C4orf50: variants seen among roughly 807,000 people sequenced by gnomAD.
The protein encoded by C4orf50 is uncharacterized protein C4orf50.
C4orf50 carries 80 observed loss-of-function variants against 77.2 expected under a neutral mutation model. That is an observed-to-expected ratio of 1.04 (90% confidence interval 0.87 to 1.25). The LOEUF is 1.25. Ranked by LOEUF, C4orf50 falls within the 50% of genes most tolerant of loss-of-function variation. C4orf50 has a pLI of 0.00. For synonymous variants in C4orf50, 532 were observed against 465.3 expected (o/e 1.14, Z -1.84); for missense variants, 1,257 against 1,152.9 (o/e 1.09, Z -1.31).
At chr4:5,964,665 G>A (rs1031619106) in intron 33 of C4orf50, among the ~76,000 whole-genome samples, 1 of 151,460 alleles carries the variant, frequency 6.6e-6, no homozygotes, top group African/African-American at 2.4e-5. Context: ...ATACTTGGGA[G>A]GCTGAGGCAG....
exon 28 of C4orf50, chr4:5,989,538 T>C: frequency 6.5e-7 from 1 of 1,536,054 alleles, no homozygotes; most frequent in Non-Finnish European, 8.7e-7. Context: ...TCCAGTTCTC[T>C]CCCCTACATG....
At chr4:5,977,306 T>A (rs939522912) in intron 29 of C4orf50, among the ~76,000 whole-genome samples, 4 of 152,270 alleles carry the variant, frequency 2.6e-5, no homozygotes, top group African/African-American at 9.6e-5. Flanking sequence ...TGCAGTCAGT[T>A]AAAAAAATCA....
chr4:5,951,880 G>C (rs557691661), intron 7 of C4orf50, among the ~76,000 whole-genome samples: 5 of 152,100 alleles, frequency 3.3e-5, no homozygotes, highest in Admixed American at 6.5e-5. Flanking sequence ...TAATGTGCAG[G>C]GGGAGCTGGG....
At chr4:5,906,046 C>G (rs575952974) in intron 7 of C4orf50, among the ~76,000 whole-genome samples, 8 of 152,080 alleles carry the variant, frequency 5.3e-5, no homozygotes, top group Non-Finnish European at 7.3e-5. Context: ...AGTGGAGGCG[C>G]GGACAGCAAG....
chr4:5,990,198 G>A (rs1426995796), exon 28 of C4orf50: 2 of 1,245,010 alleles, frequency 1.6e-6, no homozygotes, highest in African/African-American at 1.5e-5. Flanking sequence ...AGGACCCAGG[G>A]CGGCAGGTGG....
At chr4:5,940,775 G>A (rs548518570) in intron 7 of C4orf50, among the ~76,000 whole-genome samples, 1 of 152,276 alleles carries the variant, frequency 6.6e-6, no homozygotes, top group South Asian at 2.1e-4. Context: ...TTGAGCCTGG[G>A]CCTCAGGAGA....
intron 7 of C4orf50, chr4:5,904,345 C>A (rs1444997307): frequency 1.3e-5 from 2 of 152,292 alleles, no homozygotes; most frequent in East Asian, 3.8e-4. Context: ...GCAAAAGGAG[C>A]TGAAATGAGG....
rs7692520 is a variant in C4orf50 at position 6,015,361 on chromosome 4, A to G, written c.287+2784T>C. Among the ~76,000 whole-genome samples the G allele has an allele frequency of 0.49, 74,377 of 151,940 alleles. 18,615 individuals carry two copies. The highest frequency in any genetic ancestry group is 0.53 in the Non-Finnish European group (36,339 of 67,958). On this transcript the variant is annotated intron_variant, in intron 23 of 33. Transcript: ENST00000531445. This position sits in a 1 kb window ranked among gnomAD's most constrained non-coding sequence, Gnocchi z 4.4. ...GATGACCATGTGACGACACAGGGAG[A>G]AGGTGGAGTCCACAAGCCAAGGAGT...
chr4:5,981,392 AAGTG>A (rs997021415), intron 28 of C4orf50, among the ~76,000 whole-genome samples: 5 of 149,154 alleles, frequency 3.4e-5, no homozygotes, highest in Non-Finnish European at 5.9e-5. Context: ...CAGGTGAACA[AAGTG>A]AGTATCTTTT....
At chr4:5,907,826 G>A (rs1216879510) in intron 7 of C4orf50, among the ~76,000 whole-genome samples, 1 of 152,172 alleles carries the variant, frequency 6.6e-6, no homozygotes, top group Admixed American at 6.5e-5. Context: ...CCCTAAAGTG[G>A]GGTCAAGCTG....
chr4:5,993,505 C>T lies in C4orf50; in HGVS notation c.1094-575G>A, dbSNP rs376270571. Among the ~76,000 whole-genome samples, 120 of 152,300 alleles carry T rather than the reference C, an allele frequency of 7.9e-4. 1 individual carries two copies. The South Asian group carries it at 0.018, about 23-fold the overall frequency. Reference sequence around the variant, plus strand: ...CTGAGTGCAGGGGCTCTGGAAGCCACGGCTGAGGCTGTTATGAGATATGGG... The same window carrying T: ...CTGAGTGCAGGGGCTCTGGAAGCCATGGCTGAGGCTGTTATGAGATATGGG... On this transcript the variant is annotated intron_variant, in intron 26 of 33. Coordinates refer to ENST00000531445, the Ensembl canonical transcript of C4orf50.
chr4:5,990,461 G>GGGCCTCGTGGAAGAGGGA (rs1325358989), exon 28 of C4orf50: 2 of 400,632 alleles, frequency 5.0e-6, no homozygotes, highest in Non-Finnish European at 8.8e-6. Context: ...GAAATGTAGG[G>GGGCCTCGTGGAAGAGGGA]GGCCTCGTGG....
At chr4:5,946,753 A>G (rs886337846) in intron 7 of C4orf50, among the ~76,000 whole-genome samples, 7 of 152,284 alleles carry the variant, frequency 4.6e-5, no homozygotes, top group Non-Finnish European at 1.0e-4. Context: ...GACAGGACAC[A>G]GTAGCAGGGA....
At chr4:5,975,986 T>A in intron 29 of C4orf50, 31 bp from the exon 8 acceptor site, 1 of 1,586,810 alleles carries the variant, frequency 6.3e-7, no homozygotes. Context: ...TTGACAACAC[T>A]GCACTGTCAC....
intron 7 of C4orf50, among the ~76,000 whole-genome samples, chr4:5,948,937 G>A (rs545105562): frequency 3.7e-5 from 5 of 136,920 alleles, no homozygotes; most frequent in African/African-American, 1.4e-4. Context: ...CTTCAGCCTG[G>A]GCAACAGAGT....
intron 7 of C4orf50, among the ~76,000 whole-genome samples, chr4:5,937,330 G>A (rs954138439): frequency 1.3e-5 from 2 of 152,072 alleles, no homozygotes; most frequent in Non-Finnish European, 1.5e-5. Context: ...TTCTCTGTGC[G>A]TGAGGAAGTT....
chr4:5,910,932 C>T (rs550402336), intron 7 of C4orf50, among the ~76,000 whole-genome samples: 4 of 89,064 alleles, frequency 4.5e-5, no homozygotes, highest in African/African-American at 8.2e-5. Flanking sequence ...TTTTTTGAGA[C>T]GGAGTCTCTG....
chr4:5,960,523 AGGC>A (rs200376567), intron 33 of C4orf50, among the ~76,000 whole-genome samples: 3,174 of 152,352 alleles, frequency 0.021, 84 homozygotes, highest in African/African-American at 0.066. Flanking sequence ...GCTGAAAAAG[AGGC>A]TGGACAGCAG....
chr4:5,954,004 C>T (rs1718840776), downstream of C4orf50, among the ~76,000 whole-genome samples: 1 of 152,208 alleles, frequency 6.6e-6, no homozygotes, highest in South Asian at 2.1e-4. This position sits in a 1 kb window ranked among gnomAD's most constrained non-coding sequence, Gnocchi z 4.7. Context: ...ACAACCTGAA[C>T]AACCAGATGC....
Sources: gnomAD v4.1 joint callset for allele counts (sites outside exome capture counted in the v4.1 genomes callset) on GRCh38, gnomAD v4.1.1 for gene constraint, Gnocchi (gnomAD v3.1) non-coding constraint, MANE v1.5 for transcripts, NCBI Gene and HGNC (gene_info 2026-07-23, HGNC 2026-07-21) for gene names.